Variants in AVEN observed in about 807,000 individuals in gnomAD.
AVEN encodes the protein apoptosis and caspase activation inhibitor.
In AVEN, 41 loss-of-function variants were observed where a neutral mutation model predicts 38.1. The ratio of observed to expected loss-of-function variants is 1.08; its 90% confidence interval spans 0.84 to 1.40. AVEN has a LOEUF of 1.40. Ranked by LOEUF, AVEN falls within the 40% of genes most tolerant of loss-of-function variation. The pLI is 0.00. For synonymous variants in AVEN, 206 were observed against 171.8 expected, an observed-to-expected ratio of 1.20 and a Z score of -1.56; for missense variants, 605 against 438.8, an observed-to-expected ratio of 1.38 and a Z score of -3.38.
At position 34,030,713 on chromosome 15, in the gene AVEN, G is replaced by A. The variant is rs907426268; in HGVS notation, c.267+8067C>T. Among the ~76,000 whole-genome samples, 3 of 152,074 alleles carry A rather than the reference G, an allele frequency of 2.0e-5. No individual in the cohort carries two copies. In the East Asian group the frequency reaches 5.8e-4, roughly 30 times the overall value. On this transcript the variant is annotated intron_variant, in intron 1 of 5. Transcript: ENST00000306730. ...AGCTCACTGCAACCTCCAACTCCTG[G>A]GTTAAAAATCTTCCTGCCTCGGCCT...
chr15:33,941,404 T>A (rs1474266154), intron 2 of AVEN, among the ~76,000 whole-genome samples: 5 of 152,186 alleles, frequency 3.3e-5, no homozygotes, highest in Non-Finnish European at 7.3e-5. Context: ...AAACGAACAG[T>A]AAGACTTTCC....
At chr15:33,987,866 G>A (rs1325301202) in intron 2 of AVEN, among the ~76,000 whole-genome samples, 1 of 152,168 alleles carries the variant, frequency 6.6e-6, no homozygotes, top group Non-Finnish European at 1.5e-5. Flanking sequence ...AAGCTTTCTG[G>A]CCCCATGGAA....
chr15:33,859,407 G>C lies in AVEN; in HGVS notation n.2730-313C>G, dbSNP rs191280755. On this transcript the variant is annotated intron_variant and non_coding_transcript_variant, in intron 11 of 11. Transcript: ENST00000675287. Reference sequence around the variant, plus strand: ...CTTTGTAGATATCAAACTGTCCAGAGGGTGCAGTGGACAGCAGCTAGCAGC... The same window carrying C: ...CTTTGTAGATATCAAACTGTCCAGACGGTGCAGTGGACAGCAGCTAGCAGC... 2.4e-3 allele frequency among the ~76,000 whole-genome samples: 360 copies of C among 152,318 alleles called. 1 individual carries two copies. Among genetic ancestry groups the C allele is most frequent in the Non-Finnish European group, 4.1e-3 (277 of 68,026 alleles).
At chr15:33,965,490 CA>C (rs1407639863) in intron 2 of AVEN, among the ~76,000 whole-genome samples, 1 of 152,020 alleles carries the variant, frequency 6.6e-6, no homozygotes, top group Non-Finnish European at 1.5e-5. Flanking sequence ...ATTTTGTAAA[CA>C]GCTATGAGCA....
downstream of AVEN, among the ~76,000 whole-genome samples, chr15:33,862,249 G>A (rs543086489): frequency 3.9e-5 from 6 of 152,228 alleles, no homozygotes; most frequent in East Asian, 5.8e-4. Context: ...TCTCAACCCC[G>A]TTGCCCAGGC....
At chr15:33,871,653 T>G (rs1890955994) in intron 3 of AVEN, among the ~76,000 whole-genome samples, 1 of 151,946 alleles carries the variant, frequency 6.6e-6, no homozygotes, top group South Asian at 2.1e-4. Flanking sequence ...AAGCATTTAA[T>G]GAAATCTAAC....
chr15:33,917,521 A>G (rs766327316), intron 2 of AVEN, among the ~76,000 whole-genome samples: 23 of 121,990 alleles, frequency 1.9e-4, no homozygotes, highest in Non-Finnish European at 3.0e-4. Flanking sequence ...TCACACACAT[A>G]CGTGTATATA....
In AVEN at chr15:33,866,650, T is replaced by G; in HGVS notation, c.1052A>C (p.Glu351Ala). 2 of 1,614,094 alleles carry G rather than the reference T, an allele frequency of 1.2e-6. No individual in the cohort carries two copies. Among genetic ancestry groups the G allele is most frequent in the Non-Finnish European group, 1.7e-6 (2 of 1,179,948 alleles). The change falls in exon 6 of 6, where the codon GAA becomes GCA. Residue 351 changes from glutamate (E) to alanine (A), a missense_variant. Coordinates refer to ENST00000306730, the MANE Select transcript of AVEN (RefSeq NM_020371.3). The stretch of plus-strand genomic sequence containing the variant: ...GCTGTCCAACCAGTCTTCCAGCTCT[T>G]CCTCGGTAACATTTTTGGAGGTACT... ...QPSTSKNVTE[E>A]ELEDWLDSMI...
chr15:33,962,223 G>GTA (rs987292254), intron 2 of AVEN, among the ~76,000 whole-genome samples: 24 of 152,288 alleles, frequency 1.6e-4, no homozygotes, highest in Middle Eastern at 3.4e-3. Context: ...ATGTAACAGT[G>GTA]TATTGCTTCT....
intron 2 of AVEN, among the ~76,000 whole-genome samples, chr15:33,886,548 C>G (rs536432492): frequency 2.9e-4 from 44 of 152,252 alleles, no homozygotes; most frequent in African/African-American, 1.1e-3. Flanking sequence ...CGTGATCCGC[C>G]CACCTCAGCC....
exon 1 of AVEN, among the ~76,000 whole-genome samples, chr15:34,074,535 C>A (rs1311176463): frequency 6.6e-6 from 1 of 152,128 alleles, no homozygotes; most frequent in Non-Finnish European, 1.5e-5. Flanking sequence ...AGGCCTCTCT[C>A]CTAGCTTCTG....
intron 2 of AVEN, among the ~76,000 whole-genome samples, chr15:33,935,514 G>C (rs919578508): frequency 6.6e-6 from 1 of 151,868 alleles, no homozygotes; most frequent in Non-Finnish European, 1.5e-5. Flanking sequence ...ATGTGTGTGA[G>C]TATATATATG....
At chr15:33,866,177 G>A (rs116671589), downstream of AVEN, 1,699 of 172,600 alleles carry the variant, frequency 9.8e-3, 38 homozygotes, top group African/African-American at 0.037. Flanking sequence ...CTGGGAAAGG[G>A]GACATGAGAC....
At chr15:33,873,378 G>C (rs1891078555) in intron 3 of AVEN, among the ~76,000 whole-genome samples, 1 of 150,550 alleles carries the variant, frequency 6.6e-6, no homozygotes, top group African/African-American at 2.4e-5. Context: ...GGGATTATAG[G>C]CGTGAGCCAC....
chr15:34,059,600 T>C (rs1900270350), intron 5 of AVEN, among the ~76,000 whole-genome samples: 1 of 152,196 alleles, frequency 6.6e-6, no homozygotes, highest in Non-Finnish European at 1.5e-5. Flanking sequence ...CAGCTTTCTT[T>C]GGCTCCAGCT....
chr15:33,853,132 G>T, the AVEN span: 2 of 1,486,132 alleles, frequency 1.3e-6, no homozygotes, highest in Non-Finnish European at 1.8e-6. Context: ...ACCAAAAAAT[G>T]TGGTGTATGT....
At chr15:33,857,807 G>T, downstream of AVEN, 2 of 1,614,106 alleles carry the variant, frequency 1.2e-6, no homozygotes, top group Non-Finnish European at 1.7e-6. Flanking sequence ...TCTCCTGGCC[G>T]TGGTGGTTTA....
downstream of AVEN, among the ~76,000 whole-genome samples, chr15:33,864,473 AT>A (rs1889738336): frequency 6.6e-6 from 1 of 152,202 alleles, no homozygotes; most frequent in South Asian, 2.1e-4. Flanking sequence ...TTGTCTGACA[AT>A]AAGAAATGGA....
At chr15:33,961,221 G>A (rs996073433) in intron 2 of AVEN, among the ~76,000 whole-genome samples, 1 of 152,014 alleles carries the variant, frequency 6.6e-6, no homozygotes, top group Non-Finnish European at 1.5e-5. Flanking sequence ...GGCTGGTCTC[G>A]AACTCCTGAG....
Sources: gnomAD v4.1 joint callset for allele counts (sites outside exome capture counted in the v4.1 genomes callset) on GRCh38, gnomAD v4.1.1 for gene constraint, MANE v1.5 for transcripts, NCBI Gene and HGNC (gene_info 2026-07-23, HGNC 2026-07-21) for gene names.